Variants in ADAMTSL3 observed in about 807,000 individuals in gnomAD.
The protein encoded by ADAMTSL3 is ADAMTS-like protein 3.
In ADAMTSL3, 128 loss-of-function variants were observed where a neutral mutation model predicts 201.7. That is an observed-to-expected ratio of 0.63 (90% confidence interval 0.55 to 0.73). The LOEUF (loss-of-function observed/expected upper bound fraction) is 0.73. Ranked by LOEUF, ADAMTSL3 falls within the 30% of genes least tolerant of loss-of-function variation. ADAMTSL3 has a pLI of 0.00. For synonymous variants in ADAMTSL3, 738 were observed against 748.4 expected, an observed-to-expected ratio of 0.99 and a Z score of 0.23; for missense variants, 1,990 against 2,119.6, an observed-to-expected ratio of 0.94 and a Z score of 1.20.
chr15:83,892,894 AT>A lies in ADAMTSL3; in HGVS notation c.1467+9del, dbSNP rs1446275356. On this transcript the variant is annotated splice_region_variant and intron_variant, in intron 13 of 29. Transcript: ENST00000286744. ...TTGCCATGGAGTGGTCTCAGGTAAG[AT>A]TTGAGAATATGCCACTTTTAATTAA... 1.2e-6 allele frequency: 2 copies of A among 1,609,642 alleles called. No individual in the cohort carries two copies. Among genetic ancestry groups the A allele is most frequent in the African/African-American group, 2.7e-5 (2 of 74,796 alleles).
chr15:83,796,031 A>G (rs950412778), intron 4 of ADAMTSL3, among the ~76,000 whole-genome samples: 2 of 152,210 alleles, frequency 1.3e-5, no homozygotes, highest in African/African-American at 4.8e-5. Flanking sequence ...ATGAATACTT[A>G]CTCTCAATTG....
At chr15:83,801,716 G>C (rs1307776985) in intron 4 of ADAMTSL3, among the ~76,000 whole-genome samples, 2 of 113,380 alleles carry the variant, frequency 1.8e-5, no homozygotes, top group African/African-American at 6.4e-5. Flanking sequence ...GGAAATCATA[G>C]ATGGACCAAT....
intron 15 of ADAMTSL3, 91 bp from the exon 16 acceptor site, chr15:83,913,001 T>C (rs2065959443): frequency 5.1e-6 from 7 of 1,385,432 alleles, no homozygotes; most frequent in Non-Finnish European, 6.9e-6. Context: ...CTGGTTATTT[T>C]TGCCTTCGTT....
At position 83,924,038 on chromosome 15, in the gene ADAMTSL3, G is replaced by C. The variant is rs760227031; in HGVS notation, c.2117+5G>C. Reference sequence around the variant, plus strand: ...CACAGAGCCCTGTCCCCCCAGGTATGTGCTGTCTTGTGTTCCTGGTATATA... The same window carrying C: ...CACAGAGCCCTGTCCCCCCAGGTATCTGCTGTCTTGTGTTCCTGGTATATA... On this transcript the variant is annotated splice_donor_5th_base_variant and intron_variant, in intron 17 of 29. Coordinates refer to ENST00000286744, the MANE Select transcript of ADAMTSL3 (RefSeq NM_207517.3). 4.6e-5 allele frequency: 74 copies of C among 1,613,848 alleles called. No individual in the cohort carries two copies. In the South Asian group the frequency reaches 7.9e-4, roughly 17 times the overall value.
intron 20 of ADAMTSL3, among the ~76,000 whole-genome samples, chr15:83,981,487 C>T (rs1168511763): frequency 6.6e-6 from 1 of 152,222 alleles, no homozygotes; most frequent in East Asian, 1.9e-4. Flanking sequence ...AACAATCTGA[C>T]TTAATTTTTA....
At position 83,655,819 on chromosome 15, in the gene ADAMTSL3, C is replaced by T. The variant is rs763452372; in HGVS notation, c.58C>T (p.Pro20Ser). ...VLIGMVFMHS[P>S]LPQTTAEKSP... ...GATAGGGATGGTCTTCATGCACTCT[C>T]CCCTCCCGCAGGTAAGGTCATATAG... The change falls in exon 2 of 30, where the codon CCC becomes TCC. Residue 20 changes from proline (P) to serine (S), a missense_variant. Physicochemically the swap from Pro to Ser is moderately conservative, Grantham distance 74. Coordinates refer to ENST00000286744, the MANE Select transcript of ADAMTSL3 (RefSeq NM_207517.3). 24 of 1,614,004 alleles carry T rather than the reference C, an allele frequency of 1.5e-5. No individual in the cohort carries two copies. The highest frequency in any genetic ancestry group is 6.7e-5 in the East Asian group (3 of 44,862).
intron 3 of ADAMTSL3, among the ~76,000 whole-genome samples, chr15:83,767,344 C>T (rs1004054081): frequency 6.6e-6 from 1 of 152,204 alleles, no homozygotes; most frequent in Non-Finnish European, 1.5e-5. Flanking sequence ...ATTCTGGCCC[C>T]AGACAGGGTC....
chr15:83,770,959 C>G (rs548327557), intron 3 of ADAMTSL3, among the ~76,000 whole-genome samples: 1 of 152,036 alleles, frequency 6.6e-6, no homozygotes, highest in Non-Finnish European at 1.5e-5. Context: ...CCCAGCTACT[C>G]AGGAGGCTGG....
rs114719612 is a variant in ADAMTSL3 at position 83,950,310 on chromosome 15, C to A, written c.2490+7228C>A. Among the ~76,000 whole-genome samples the A allele has an allele frequency of 8.1e-3, 1,226 of 152,048 alleles. 12 individuals are homozygous for A. Among genetic ancestry groups the A allele is most frequent in the African/African-American group, 0.028 (1,176 of 41,536 alleles). On this transcript the variant is annotated intron_variant, in intron 19 of 29. Transcript: ENST00000286744. ...TTGGCACCATTGTCAAAAATGAGTT[C>A]ACTGTAGATCTATGGATTTATCTCT...
At chr15:83,674,930 A>G (rs1031990004) in intron 2 of ADAMTSL3, among the ~76,000 whole-genome samples, 1 of 151,480 alleles carries the variant, frequency 6.6e-6, no homozygotes, top group Non-Finnish European at 1.5e-5. Context: ...CTTGACTTCT[A>G]TCATAATGTT....
chr15:83,856,613 G>A (rs1280773431), intron 7 of ADAMTSL3, among the ~76,000 whole-genome samples: 1 of 152,174 alleles, frequency 6.6e-6, no homozygotes, highest in African/African-American at 2.4e-5. Flanking sequence ...AGCCCAGATA[G>A]CACAGTAAAT....
At chr15:83,859,425 CGGA>C (rs1389256121) in intron 8 of ADAMTSL3, among the ~76,000 whole-genome samples, 1 of 152,150 alleles carries the variant, frequency 6.6e-6, no homozygotes, top group Non-Finnish European at 1.5e-5. Context: ...TCCCTCTTAC[CGGA>C]GGTCTCTGTG....
At chr15:83,740,080 T>C (rs952011794) in intron 3 of ADAMTSL3, 10 of 297,704 alleles carry the variant, frequency 3.4e-5, no homozygotes, top group African/African-American at 2.2e-4. Flanking sequence ...GGAATACCTA[T>C]GCCAGTAACT....
Position 83,873,868 on chromosome 15 carries a change from C to T in ADAMTSL3, c.960+2909C>T, listed in dbSNP as rs536319379. Among the ~76,000 whole-genome samples the T allele has an allele frequency of 2.1e-5, 3 of 145,722 alleles. No individual in the cohort carries two copies. The South Asian group carries it at 6.4e-4, about 31-fold the overall frequency. ...TGATTAGCAGGAGTGCAAGAGAAAG[C>T]ATTCATGCTCATCTTTTCATGATTA... is the stretch of plus-strand genomic sequence containing the variant. On this transcript the variant is annotated intron_variant, in intron 9 of 29. Transcript: ENST00000286744.
At chr15:83,711,421 C>T (rs1382454111) in intron 3 of ADAMTSL3, among the ~76,000 whole-genome samples, 1 of 152,194 alleles carries the variant, frequency 6.6e-6, no homozygotes, top group Non-Finnish European at 1.5e-5. Flanking sequence ...AAATGAGCAA[C>T]TTATATGTTC....
intron 4 of ADAMTSL3, among the ~76,000 whole-genome samples, chr15:83,783,809 A>G (rs1358559356): frequency 6.7e-6 from 1 of 150,224 alleles, no homozygotes; most frequent in Non-Finnish European, 1.5e-5. Context: ...AAGGAAGAGC[A>G]AATTTTAAAA....
At position 83,837,489 on chromosome 15, in the gene ADAMTSL3, A is replaced by T. The variant is rs113165128; in HGVS notation, c.601-600A>T. 3.3e-5 allele frequency among the ~76,000 whole-genome samples: 5 copies of T among 152,184 alleles called. No homozygotes were observed. The East Asian group carries it at 5.8e-4, about 18-fold the overall frequency. On this transcript the variant is annotated intron_variant, in intron 6 of 29. Transcript: ENST00000286744. ...ATGTTCTGTTTATTTTATATATATA[A>T]AAATGCCTGGGCTGGGCAGTGTGGT... is the stretch of plus-strand genomic sequence containing the variant.
intron 9 of ADAMTSL3, among the ~76,000 whole-genome samples, chr15:83,875,501 A>G (rs923480090): frequency 6.6e-6 from 1 of 152,154 alleles, no homozygotes; most frequent in Non-Finnish European, 1.5e-5. Flanking sequence ...ACGTAGAACA[A>G]TCAGGATGTG....
intron 23 of ADAMTSL3, among the ~76,000 whole-genome samples, chr15:84,011,903 A>G (rs1467476359): frequency 2.0e-5 from 3 of 152,230 alleles, no homozygotes; most frequent in African/African-American, 7.2e-5. Context: ...TATAACATCT[A>G]CCTATGTTGT....
Sources: gnomAD v4.1 joint callset for allele counts (sites outside exome capture counted in the v4.1 genomes callset) on GRCh38, gnomAD v4.1.1 for gene constraint, MANE v1.5 for transcripts, NCBI Gene and HGNC (gene_info 2026-07-23, HGNC 2026-07-21) for gene names.